VDAC1: variants seen among roughly 807,000 people sequenced by gnomAD.
VDAC1 encodes non-selective voltage-gated ion channel VDAC1.
A neutral mutation model predicts 34.7 loss-of-function variants in VDAC1; 10 were observed. The observed-to-expected ratio is 0.29, with a 90% CI of 0.18 to 0.49. The LOEUF is 0.49. Ranked by LOEUF, VDAC1 falls within the 20% of genes least tolerant of loss-of-function variation. The pLI is 0.99. For synonymous variants in VDAC1, 130 were observed against 136.0 expected (o/e 0.96, Z 0.30); for missense variants, 230 against 347.9 (o/e 0.66, Z 2.69).
the VDAC1 span, among the ~76,000 whole-genome samples, chr5:134,085,716 C>T: frequency 1.2e-4 from 3 of 25,826 alleles, no homozygotes; most frequent in Non-Finnish European, 1.8e-4. Context: ...AGCAAGACCC[C>T]ATTTCTAAAA....
chr5:133,989,611 C>T (rs1284330171), intron 5 of VDAC1, among the ~76,000 whole-genome samples: 3 of 152,020 alleles, frequency 2.0e-5, no homozygotes, highest in African/African-American at 7.2e-5. Flanking sequence ...CCACCCACCT[C>T]AGCCTCCCAA....
the VDAC1 span, among the ~76,000 whole-genome samples, chr5:134,034,610 T>C: frequency 6.6e-6 from 1 of 152,186 alleles, no homozygotes; most frequent in Non-Finnish European, 1.5e-5. Flanking sequence ...GGCACTTTGA[T>C]TTTGTACTGC....
intron 5 of VDAC1, among the ~76,000 whole-genome samples, chr5:133,984,753 T>C (rs988020925): frequency 1.3e-5 from 2 of 151,858 alleles, no homozygotes; most frequent in Non-Finnish European, 2.9e-5. Context: ...CTGGCCAACA[T>C]GGCAAAATTC....
intron 5 of VDAC1, among the ~76,000 whole-genome samples, chr5:133,984,704 G>A (rs1371951541): frequency 6.6e-6 from 1 of 152,150 alleles, no homozygotes; most frequent in Admixed American, 6.5e-5. Context: ...TAGAGGCCAA[G>A]GCAGGTAGAT....
chr5:134,088,395 T>C, the VDAC1 span, among the ~76,000 whole-genome samples: 1 of 152,152 alleles, frequency 6.6e-6, no homozygotes, highest in Non-Finnish European at 1.5e-5. Context: ...CACTAGCCTG[T>C]GACTCCATCA....
At chr5:133,981,060 G>A in intron 5 of VDAC1, 104 bp from the exon 6 acceptor site, 3 of 969,866 alleles carry the variant, frequency 3.1e-6, no homozygotes, top group Non-Finnish European at 4.6e-6. Context: ...GGAGTGGGGT[G>A]GGGGTGAAGT....
chr5:134,021,557 TAAAAAA>T, the VDAC1 span, among the ~76,000 whole-genome samples: 2 of 142,416 alleles, frequency 1.4e-5, no homozygotes, highest in Non-Finnish European at 3.0e-5. Context: ...GACCTTGTCT[TAAAAAA>T]AAAAAAAAGA....
the VDAC1 span, among the ~76,000 whole-genome samples, chr5:134,089,302 C>T: frequency 1.3e-4 from 20 of 152,312 alleles, no homozygotes; most frequent in East Asian, 2.7e-3. Context: ...CTGCCAGCTC[C>T]GAAACCAGCT....
the VDAC1 span, among the ~76,000 whole-genome samples, chr5:134,019,896 C>T: frequency 2.0e-5 from 3 of 152,336 alleles, no homozygotes; most frequent in Admixed American, 1.3e-4. Flanking sequence ...CCCACACCAA[C>T]ACCTCCTCCT....
chr5:134,109,770 C>CAAAAAAAAAAAAAAAAAAAAA, the VDAC1 span, among the ~76,000 whole-genome samples: 110 of 140,290 alleles, frequency 7.8e-4, 1 homozygote, highest in African/African-American at 2.7e-3. Context: ...GGCTCCATCT[C>CAAAAAAAAAAAAAAAAAAAAA]AAAAAAAAAA....
At position 133,973,820 on chromosome 5, in the gene VDAC1, C is replaced by T; in HGVS notation, c.731G>A (p.Gly244Asp). The T allele has an allele frequency of 6.2e-7, 1 of 1,613,172 alleles. No homozygotes were observed. Among genetic ancestry groups the T allele is most frequent in the East Asian group, 2.2e-5 (1 of 44,862 alleles). Residue 244 changes from glycine to aspartate, a missense_variant, in exon 8 of 9, where the codon GGT becomes GAT. Gly to Asp is a moderately conservative substitution (Grantham distance 94, BLOSUM62 -1). Transcript: ENST00000265333. ...SAKVNNSSLI[G>D]LGYTQTLKPG... ...CTTTAGAGTCTGAGTGTATCCTAAA[C>T]CTATCAGGCTGGAGTTGTTCACTTT...
At chr5:134,114,502 G>C in the VDAC1 span, among the ~76,000 whole-genome samples, 5 of 152,252 alleles carry the variant, frequency 3.3e-5, no homozygotes, top group Admixed American at 2.0e-4. Flanking sequence ...CGTTTCGGGA[G>C]AAGGGTGATC....
the VDAC1 span, among the ~76,000 whole-genome samples, chr5:134,100,645 A>G: frequency 1.3e-5 from 2 of 152,214 alleles, no homozygotes; most frequent in Non-Finnish European, 1.5e-5. Context: ...AAGCAGAATT[A>G]CAGTGTGAAA....
the VDAC1 span, among the ~76,000 whole-genome samples, chr5:134,042,108 G>A: frequency 2.6e-5 from 4 of 152,204 alleles, no homozygotes; most frequent in South Asian, 8.3e-4. Flanking sequence ...TTGTGGCAAT[G>A]CTCTCAGAAT....
At chr5:134,080,618 G>GA in the VDAC1 span, among the ~76,000 whole-genome samples, 2 of 152,052 alleles carry the variant, frequency 1.3e-5, no homozygotes, top group African/African-American at 4.8e-5. Context: ...TTAAGTGTTG[G>GA]GGCACCAACA....
chr5:133,988,035 T>C (rs1244516669), intron 5 of VDAC1, among the ~76,000 whole-genome samples: 1 of 152,020 alleles, frequency 6.6e-6, no homozygotes, highest in African/African-American at 2.4e-5. Flanking sequence ...AGTCAGAAAA[T>C]ATTCCAGATT....
the VDAC1 span, among the ~76,000 whole-genome samples, chr5:134,061,573 A>G: frequency 1.3e-5 from 2 of 151,500 alleles, no homozygotes; most frequent in South Asian, 2.1e-4. Context: ...GGGTCTCCCT[A>G]TGTTGCACAG....
chr5:133,997,287 T>C (rs1753351349), intron 1 of VDAC1, among the ~76,000 whole-genome samples: 1 of 152,174 alleles, frequency 6.6e-6, no homozygotes, highest in Non-Finnish European at 1.5e-5. Flanking sequence ...TATATGAGGA[T>C]GCTCACTGCA....
upstream of VDAC1, among the ~76,000 whole-genome samples, chr5:134,006,761 C>CA (rs1233259669): frequency 1.2e-4 from 11 of 92,954 alleles, no homozygotes; most frequent in Admixed American, 2.3e-4. Context: ...AAAAAAAAAA[C>CA]AAAAAAAAAC....
Sources: gnomAD v4.1 joint callset for allele counts (sites outside exome capture counted in the v4.1 genomes callset) on GRCh38, gnomAD v4.1.1 for gene constraint, MANE v1.5 for transcripts, NCBI Gene and HGNC (gene_info 2026-07-23, HGNC 2026-07-21) for gene names.